Variants in CST3 observed in about 807,000 individuals in gnomAD.
The protein encoded by CST3 is cystatin C.
Under a neutral mutation model 9.0 loss-of-function variants are expected in CST3, and 14 were observed. The ratio of observed to expected loss-of-function variants is 1.56; its 90% CI spans 1.03 to 2.44. The LOEUF (loss-of-function observed/expected upper bound fraction) is 2.44, where lower values mean the gene tolerates loss of function less well. Ranked by LOEUF, CST3 falls within the 30% of genes most tolerant of loss-of-function variation. CST3 has a pLI of 0.00. For missense variants in CST3, 237 were observed against 204.3 expected, an observed-to-expected ratio of 1.16 and a Z score of -0.98; for synonymous variants, 96 against 90.2, an observed-to-expected ratio of 1.06 and a Z score of -0.37.
chr20:23,637,076 T>C (rs560101877), intron 1 of CST3, among the ~76,000 whole-genome samples: 96 of 152,308 alleles, frequency 6.3e-4, no homozygotes, highest in African/African-American at 2.2e-3. Flanking sequence ...CAGGGCAAAA[T>C]GTTAACATCT....
chr20:23,634,032 G>C, intron 2 of CST3, 33 bp from the exon 3 acceptor site: 1 of 1,577,454 alleles, frequency 6.3e-7, no homozygotes, highest in Non-Finnish European at 8.7e-7. Context: ...CAATCAGTGT[G>C]GGTTACAGTT....
exon 4 of CST3, chr20:23,627,565 T>G (rs1731016693): frequency 6.6e-6 from 1 of 152,248 alleles, no homozygotes; most frequent in African/African-American, 2.4e-5. Flanking sequence ...CATATAAATA[T>G]GAGTAGAGTT....
At chr20:23,627,161 T>C (rs527875363) in exon 4 of CST3, 1 of 152,210 alleles carries the variant, frequency 6.6e-6, no homozygotes, top group Non-Finnish European at 1.5e-5. Flanking sequence ...CCAAGGAAAC[T>C]TCCTATTAGC....
chr20:23,636,340 G>C (rs145149779), intron 1 of CST3, among the ~76,000 whole-genome samples: 4 of 152,298 alleles, frequency 2.6e-5, no homozygotes, highest in African/African-American at 9.6e-5. Context: ...GGTCAAGCTG[G>C]GCCTGGTAGC....
chr20:23,632,648 A>G (rs968766789), downstream of CST3, among the ~76,000 whole-genome samples: 1 of 151,970 alleles, frequency 6.6e-6, no homozygotes, highest in African/African-American at 2.4e-5. Flanking sequence ...TTCCTTCATC[A>G]TTTCACCTTC....
rs1376668621 is a variant in CST3 at position 23,633,729 on chromosome 20, G to A, written c.*187C>T. ...CACCGGGGCTATGAGAAGCAAGAAG[G>A]AAGGAGGGAGGGCAGAGCCCCTTGC... is the stretch of plus-strand genomic sequence containing the variant. On this transcript the variant is annotated 3_prime_UTR_variant, in exon 3 of 3. Transcript: ENST00000376925. 1 of 678,144 alleles carries A rather than the reference G, an allele frequency of 1.5e-6. No homozygotes were observed. The highest frequency in any genetic ancestry group is 2.7e-5 in the East Asian group (1 of 36,924). The allele number at this position is 678,144 out of a possible 1,614,324, so 42.0% of individuals were successfully genotyped here.
chr20:23,627,472 A>AT (rs1000962520), exon 4 of CST3: 3 of 151,656 alleles, frequency 2.0e-5, no homozygotes, highest in South Asian at 2.1e-4. Context: ...TTTTTAATAT[A>AT]TTTTTTTCTG....
downstream of CST3, among the ~76,000 whole-genome samples, chr20:23,630,938 G>A (rs186136053): frequency 3.3e-3 from 502 of 152,188 alleles, 4 homozygotes; most frequent in Middle Eastern, 0.048. Context: ...TTATTCTACT[G>A]AATACCATCA....
At position 23,635,183 on chromosome 20, in the gene CST3, CA is replaced by C. The variant is rs1334188424; in HGVS notation, c.357+70del. 1.8e-5 allele frequency: 4 copies of C among 221,934 alleles called. No individual in the cohort carries two copies. The African/African-American group carries it at 3.3e-4, about 18-fold the overall frequency. 13.7% of individuals were successfully genotyped at this position (221,934 alleles called of 1,614,324 possible). A position where few individuals can be genotyped will look rare whatever the true frequency, so the allele number is the denominator to read the frequency against. ...CACGTACCCTGCAGAACATGTGCATCACACACACACACACACACACACACCC... is the reference window on the plus strand; with the variant it reads ...CACGTACCCTGCAGAACATGTGCATCCACACACACACACACACACACACCC... On this transcript the variant is annotated intron_variant, in intron 2 of 2. Coordinates refer to ENST00000376925, the MANE Select transcript of CST3 (RefSeq NM_000099.4).
exon 4 of CST3, chr20:23,628,380 G>A (rs1270582449): frequency 1.3e-5 from 2 of 152,188 alleles, no homozygotes; most frequent in Non-Finnish European, 2.9e-5. Flanking sequence ...TCAGAGGCAG[G>A]GCCAGCCTCT....
chr20:23,633,613 C>A (rs982235325), downstream of CST3: 4 of 551,482 alleles, frequency 7.3e-6, no homozygotes, highest in Non-Finnish European at 1.3e-5. Flanking sequence ...CTGCGGAAAC[C>A]CTGCCTGTGT....
chr20:23,632,495 C>T (rs1979485719), downstream of CST3, among the ~76,000 whole-genome samples: 1 of 152,156 alleles, frequency 6.6e-6, no homozygotes, highest in South Asian at 2.1e-4. Flanking sequence ...CTACACTTCC[C>T]TCACCCCAAA....
chr20:23,633,606 C>A (rs900553285), downstream of CST3: 10 of 536,114 alleles, frequency 1.9e-5, no homozygotes, highest in Admixed American at 3.1e-4. Context: ...AAAGGAACTG[C>A]GGAAACCCTG....
chr20:23,627,086 G>A (rs1263840206), exon 4 of CST3: 1 of 152,128 alleles, frequency 6.6e-6, no homozygotes, highest in Non-Finnish European at 1.5e-5. Flanking sequence ...CAGTGGTTCC[G>A]AGTATATTCA....
downstream of CST3, chr20:23,631,909 T>A (rs1300656723): frequency 6.6e-6 from 1 of 152,210 alleles, no homozygotes; most frequent in Non-Finnish European, 1.5e-5. Flanking sequence ...TATACTTAAA[T>A]CAACATTTAA....
chr20:23,632,740 C>T (rs1042518020), downstream of CST3, among the ~76,000 whole-genome samples: 6 of 152,202 alleles, frequency 3.9e-5, no homozygotes, highest in African/African-American at 1.4e-4. Flanking sequence ...CCCAGCAGCA[C>T]TGGCTGTAAG....
intron 2 of CST3, 40 bp from the exon 3 acceptor site, chr20:23,634,039 A>C: frequency 6.5e-7 from 1 of 1,547,302 alleles, no homozygotes; most frequent in Non-Finnish European, 8.9e-7. Flanking sequence ...TGTGGGTTAC[A>C]GTTCAAAGCA....
chr20:23,628,825 C>T (rs34374560), downstream of CST3: 31,383 of 152,134 alleles, frequency 0.21, 3,429 homozygotes, highest in South Asian at 0.32. Flanking sequence ...AACTGCTGAG[C>T]TCACGCAGTC....
chr20:23,632,874 GGGAAT>G (rs1251344416), downstream of CST3, among the ~76,000 whole-genome samples: 2 of 152,204 alleles, frequency 1.3e-5, no homozygotes, highest in South Asian at 2.1e-4. Context: ...CTGACATGAA[GGGAAT>G]GTTCTCTCTT....
Sources: allele counts gnomAD v4.1 joint callset (sites outside exome capture counted in the v4.1 genomes callset), GRCh38; gene constraint gnomAD v4.1.1; transcripts MANE v1.5; gene names NCBI Gene and HGNC (gene_info 2026-07-23, HGNC 2026-07-21).